Variants in RCAN1 observed in about 807,000 individuals in gnomAD.
RCAN1 encodes regulator of calcineurin 1.
In RCAN1, 11 loss-of-function variants were observed where a neutral mutation model predicts 22.9. The ratio of observed to expected loss-of-function variants is 0.48; its 90% CI spans 0.30 to 0.79. The LOEUF is 0.79. Among genes scored for constraint, RCAN1 ranks in the 30% least tolerant of loss-of-function variants. The pLI is 0.06. For missense variants in RCAN1, 291 were observed against 337.8 expected, an observed-to-expected ratio of 0.86 and a Z score of 1.09; for synonymous variants, 136 against 142.3, an observed-to-expected ratio of 0.96 and a Z score of 0.32.
At chr21:34,554,144 T>C (rs959651693) in intron 1 of RCAN1, among the ~76,000 whole-genome samples, 3 of 152,264 alleles carry the variant, frequency 2.0e-5, no homozygotes, top group African/African-American at 7.2e-5. Flanking sequence ...AAGATAACTC[T>C]ACTGGTTGCT....
At chr21:34,561,064 C>T (rs1255865786) in intron 1 of RCAN1, among the ~76,000 whole-genome samples, 1 of 152,122 alleles carries the variant, frequency 6.6e-6, no homozygotes, top group Non-Finnish European at 1.5e-5. Flanking sequence ...TTATAAGTGC[C>T]TATCATTTCC....
intron 1 of RCAN1, among the ~76,000 whole-genome samples, chr21:34,602,354 A>C (rs1462676497): frequency 6.6e-6 from 1 of 152,062 alleles, no homozygotes; most frequent in East Asian, 1.9e-4. Context: ...CACAACCAAC[A>C]AGCTCTATAC....
In RCAN1 at chr21:34,518,695, G is replaced by A. The variant is rs374448500; in HGVS notation, c.587-439C>T. Among the ~76,000 whole-genome samples the A allele has an allele frequency of 2.0e-5, 3 of 152,232 alleles. No individual in the cohort carries two copies. The highest frequency in any genetic ancestry group is 1.9e-4 in the East Asian group (1 of 5,190). On this transcript the variant is annotated intron_variant, in intron 3 of 3. Transcript: ENST00000313806. The surrounding 1 kb of genome is among the most constrained non-coding windows in gnomAD (Gnocchi z 4.2). ...CTCATGCAGCTCCTATTTGAGGGTC[G>A]CAGTGCACGCCCAGGAAGGGCGCCA...
At chr21:34,585,519 G>A (rs150835050) in intron 1 of RCAN1, among the ~76,000 whole-genome samples, 9 of 152,058 alleles carry the variant, frequency 5.9e-5, no homozygotes, top group East Asian at 3.9e-4. Context: ...CGAGGTGGGC[G>A]GATCACAAGG....
intron 1 of RCAN1, among the ~76,000 whole-genome samples, chr21:34,548,186 C>A (rs1476574994): frequency 6.6e-6 from 1 of 152,194 alleles, no homozygotes; most frequent in Non-Finnish European, 1.5e-5. Flanking sequence ...AGCTTTGGAA[C>A]CAGGATTCTG....
chr21:34,588,430 T>C (rs1046249663), intron 1 of RCAN1, among the ~76,000 whole-genome samples: 1 of 152,262 alleles, frequency 6.6e-6, no homozygotes, highest in African/African-American at 2.4e-5. Context: ...TTGATTTGTG[T>C]ATTTTTCTGT....
chr21:34,614,674 G>T lies in RCAN1; in HGVS notation c.252+86C>A. On this transcript the variant is annotated intron_variant, in intron 1 of 3. Coordinates refer to ENST00000313806, the MANE Select transcript of RCAN1 (RefSeq NM_004414.7). This position sits in a 1 kb window ranked among gnomAD's most constrained non-coding sequence, Gnocchi z 6.0. ...CTGCCTCCCCGCCCCGCGCGCGGCC[G>T]GGACTGGGCGCTGCGACCCGCGCCG... 8.3e-7 allele frequency: 1 copy of T among 1,199,150 alleles called. No individual in the cohort carries two copies. The highest frequency in any genetic ancestry group is 3.1e-5 in the South Asian group (1 of 31,916). 74.3% of individuals were successfully genotyped at this position (1,199,150 alleles called of 1,614,324 possible).
At chr21:34,597,965 A>G (rs949977647) in intron 1 of RCAN1, among the ~76,000 whole-genome samples, 4 of 152,212 alleles carry the variant, frequency 2.6e-5, no homozygotes, top group Admixed American at 1.3e-4. Flanking sequence ...AGAATCTAAA[A>G]CATAAATACA....
chr21:34,591,679 G>A (rs1221984882), intron 1 of RCAN1, among the ~76,000 whole-genome samples: 1 of 152,180 alleles, frequency 6.6e-6, no homozygotes, highest in East Asian at 1.9e-4. Context: ...CTAATTCGAT[G>A]ATTAAATTTA....
intron 1 of RCAN1, chr21:34,525,136 T>A (rs1984938355): frequency 6.5e-7 from 1 of 1,550,328 alleles, no homozygotes; most frequent in South Asian, 1.2e-5. Flanking sequence ...GGAGCGAGGA[T>A]TCAGGATAAG....
intron 2 of RCAN1, 99 bp from the exon 3 acceptor site, chr21:34,521,757 G>T: frequency 1.0e-6 from 1 of 987,524 alleles, no homozygotes; most frequent in Non-Finnish European, 1.5e-6. Context: ...GCAGGTCAAT[G>T]TCCAGGCGTC....
chr21:34,517,796 C>CA lies in RCAN1; in HGVS notation c.*287dup. 1 of 413,794 alleles carries CA rather than the reference C, an allele frequency of 2.4e-6. No homozygotes were observed. The highest frequency in any genetic ancestry group is 3.1e-5 in the South Asian group (1 of 31,928). 25.6% of individuals were successfully genotyped at this position (413,794 alleles called of 1,614,324 possible). Reference sequence around the variant, plus strand: ...AGAACCTACCAGAAAAGAACAAGTACAAAACACTATCATTATCTGTTTTCT... The same window carrying CA: ...AGAACCTACCAGAAAAGAACAAGTACAAAAACACTATCATTATCTGTTTTCT... On this transcript the variant is annotated 3_prime_UTR_variant, in exon 4 of 4. Transcript: ENST00000313806.
rs1418165078 is a variant in RCAN1 at position 34,568,494 on chromosome 21, C to T, written c.253-44784G>A. Among the ~76,000 whole-genome samples, 4 of 152,244 alleles carry T rather than the reference C, an allele frequency of 2.6e-5. No individual in the cohort carries two copies. The East Asian group carries it at 7.7e-4, about 29-fold the overall frequency. On this transcript the variant is annotated intron_variant, in intron 1 of 3. Coordinates refer to ENST00000313806, the MANE Select transcript of RCAN1 (RefSeq NM_004414.7). ...GAAAGTGTGTTTGTTGGCGAGATGG[C>T]AGCGATGCCCGGAGTCACGGTGTGT...
chr21:34,595,607 A>C (rs1461316911), intron 1 of RCAN1, among the ~76,000 whole-genome samples: 2 of 152,162 alleles, frequency 1.3e-5, no homozygotes, highest in African/African-American at 4.8e-5. Flanking sequence ...AGCCGTGCTG[A>C]GAAAAGGAAA....
intron 1 of RCAN1, among the ~76,000 whole-genome samples, chr21:34,579,298 G>A (rs1368783820): frequency 6.6e-6 from 1 of 152,126 alleles, no homozygotes. Flanking sequence ...TGGGAGGCTG[G>A]AGGCTGGGGT....
At position 34,612,291 on chromosome 21, in the gene RCAN1, C is replaced by T. The variant is rs1988704201; in HGVS notation, c.252+2469G>A. 2.0e-5 allele frequency among the ~76,000 whole-genome samples: 3 copies of T among 152,190 alleles called. 1 individual carries two copies. The South Asian group carries it at 6.2e-4, about 32-fold the overall frequency. ...GGATGTTTTCTGGTTGCTTATCCAA[C>T]CTCAGCTACCAATCGCCTCTCTGTC... On this transcript the variant is annotated intron_variant, in intron 1 of 3. Coordinates refer to ENST00000313806, the MANE Select transcript of RCAN1 (RefSeq NM_004414.7).
intron 1 of RCAN1, among the ~76,000 whole-genome samples, chr21:34,546,460 A>G (rs905715021): frequency 6.6e-6 from 1 of 152,178 alleles, no homozygotes; most frequent in Non-Finnish European, 1.5e-5. Context: ...TTGTACAATT[A>G]AATTGTCTGA....
At chr21:34,585,253 G>A (rs1195462448) in intron 1 of RCAN1, among the ~76,000 whole-genome samples, 1 of 152,154 alleles carries the variant, frequency 6.6e-6, no homozygotes, top group Non-Finnish European at 1.5e-5. Context: ...ACATTTATAA[G>A]CATTCTTAGA....
At chr21:34,575,013 C>G (rs984640994) in intron 1 of RCAN1, among the ~76,000 whole-genome samples, 1 of 152,054 alleles carries the variant, frequency 6.6e-6, no homozygotes, top group Admixed American at 6.6e-5. Flanking sequence ...CAGAACTGCA[C>G]GGGCAGATGG....
Sources: gnomAD v4.1 joint callset for allele counts (sites outside exome capture counted in the v4.1 genomes callset) on GRCh38, gnomAD v4.1.1 for gene constraint, Gnocchi (gnomAD v3.1) non-coding constraint, MANE v1.5 for transcripts, NCBI Gene and HGNC (gene_info 2026-07-23, HGNC 2026-07-21) for gene names.